The following COL5A2 variants were observed in gnomAD, a reference collection of about 807,000 sequenced individuals.
The protein encoded by COL5A2 is collagen alpha-2(V) chain.
A neutral mutation model predicts 208.2 loss-of-function variants in COL5A2; 23 were observed. The ratio of observed to expected loss-of-function variants is 0.11; its 90% CI spans 0.08 to 0.16. COL5A2 has a LOEUF of 0.16. Among genes scored for constraint, COL5A2 ranks in the 10% least tolerant of loss-of-function variants. The pLI, the probability that COL5A2 is intolerant of heterozygous loss-of-function variation, is 1.00. For synonymous variants in COL5A2, 625 were observed against 628.5 expected (o/e 0.99, Z 0.08); for missense variants, 1,590 against 1,956.4 (o/e 0.81, Z 3.53).
At chr2:189,349,930 T>C in the COL5A2 span, among the ~76,000 whole-genome samples, 1 of 152,134 alleles carries the variant, frequency 6.6e-6, no homozygotes, top group Non-Finnish European at 1.5e-5. Flanking sequence ...GAAAACCAGA[T>C]GCAAGAATTA....
intron 1 of COL5A2, among the ~76,000 whole-genome samples, chr2:189,172,059 C>T (rs570277328): frequency 9.2e-5 from 14 of 152,288 alleles, no homozygotes; most frequent in South Asian, 6.2e-4. Context: ...TTTTAATCCT[C>T]ACCATGCTAG....
chr2:189,102,327 A>G (rs936187294), intron 3 of COL5A2, among the ~76,000 whole-genome samples: 38 of 152,184 alleles, frequency 2.5e-4, no homozygotes, highest in African/African-American at 8.9e-4. Flanking sequence ...AGGCTTTTTG[A>G]TATATGACTG....
At chr2:189,152,434 G>T (rs1229177144) in intron 1 of COL5A2, among the ~76,000 whole-genome samples, 2 of 152,178 alleles carry the variant, frequency 1.3e-5, no homozygotes, top group African/African-American at 2.4e-5. Context: ...AAGTTGAAAT[G>T]GCCATACACA....
At chr2:189,372,325 T>C in the COL5A2 span, among the ~76,000 whole-genome samples, 1 of 152,232 alleles carries the variant, frequency 6.6e-6, no homozygotes, top group African/African-American at 2.4e-5. Context: ...CGGATGATCA[T>C]TATAGTACAA....
intron 1 of COL5A2, among the ~76,000 whole-genome samples, chr2:189,187,383 A>C (rs1001051439): frequency 3.3e-5 from 5 of 152,192 alleles, no homozygotes; most frequent in Non-Finnish European, 2.9e-5. Flanking sequence ...ATGTCTGCAG[A>C]TATGTGGTGA....
chr2:189,331,489 C>T, the COL5A2 span, among the ~76,000 whole-genome samples: 1 of 152,080 alleles, frequency 6.6e-6, no homozygotes, highest in Admixed American at 6.5e-5. Flanking sequence ...GCAGATATTT[C>T]CCTTGCTGTT....
the COL5A2 span, among the ~76,000 whole-genome samples, chr2:189,242,394 C>T: frequency 6.6e-6 from 1 of 152,178 alleles, no homozygotes; most frequent in Non-Finnish European, 1.5e-5. Context: ...CTGTCTTGCT[C>T]ACAGCTAAAT....
At position 189,049,365 on chromosome 2, in the gene COL5A2, T is replaced by A. The variant is rs1440279548; in HGVS notation, c.3129A>T (p.Val1043=). The stretch of plus-strand genomic sequence containing the variant: ...TACTCACTTCTGGTCCAGGTTCCCC[T>A]ACAGGACCATTGGAGCCTGGGGGCC... The part of the protein sequence containing the change: ...PVGPPGSNGP[V]GEPGPEGPAG... The change falls in exon 44 of 54, where the codon GTA becomes GTT. Residue 1043 remains valine (V), a synonymous_variant. Coordinates refer to ENST00000374866, the MANE Select transcript of COL5A2 (RefSeq NM_000393.5). 8 of 1,611,726 alleles carry A rather than the reference T, an allele frequency of 5.0e-6. No individual in the cohort carries two copies. Among genetic ancestry groups the A allele is most frequent in the Non-Finnish European group, 6.8e-6 (8 of 1,178,312 alleles).
intron 1 of COL5A2, among the ~76,000 whole-genome samples, chr2:189,193,282 T>G (rs1285252423): frequency 6.6e-6 from 1 of 152,118 alleles, no homozygotes; most frequent in Non-Finnish European, 1.5e-5. Flanking sequence ...ATTGATCTAA[T>G]AGGATGAACT....
the COL5A2 span, among the ~76,000 whole-genome samples, chr2:189,304,911 A>G: frequency 6.6e-6 from 1 of 152,244 alleles, no homozygotes; most frequent in East Asian, 1.9e-4. Flanking sequence ...ATCAAATTCT[A>G]TTAATAATGC....
chr2:189,356,379 C>T, the COL5A2 span, among the ~76,000 whole-genome samples: 11 of 152,224 alleles, frequency 7.2e-5, no homozygotes, highest in Admixed American at 3.9e-4. Context: ...ACCAATCAAA[C>T]GTAGATTTGG....
intron 1 of COL5A2, among the ~76,000 whole-genome samples, chr2:189,138,474 A>G (rs1687868132): frequency 6.6e-6 from 1 of 152,138 alleles, no homozygotes; most frequent in Non-Finnish European, 1.5e-5. Context: ...ATATATATAG[A>G]TATTTGTATA....
At chr2:189,091,625 C>T (rs993012979) in intron 7 of COL5A2, among the ~76,000 whole-genome samples, 3 of 151,972 alleles carry the variant, frequency 2.0e-5, no homozygotes, top group African/African-American at 7.3e-5. Flanking sequence ...TTATAACAGA[C>T]TATATTGTGG....
chr2:189,206,309 T>C (rs1689142933), intron 1 of COL5A2, among the ~76,000 whole-genome samples: 1 of 152,176 alleles, frequency 6.6e-6, no homozygotes, highest in Admixed American at 6.5e-5. Context: ...AAGCAGTAGA[T>C]GTACAGCATC....
chr2:189,077,505 A>G (rs538829525), intron 16 of COL5A2, among the ~76,000 whole-genome samples: 1 of 152,330 alleles, frequency 6.6e-6, no homozygotes, highest in Admixed American at 6.5e-5. Context: ...GGGAAGAGCA[A>G]TAGCCAATGC....
At chr2:189,271,399 C>A in the COL5A2 span, among the ~76,000 whole-genome samples, 1 of 152,092 alleles carries the variant, frequency 6.6e-6, no homozygotes, top group African/African-American at 2.4e-5. Context: ...TAAAAACAAG[C>A]AATGGGGAAA....
chr2:189,431,559 C>CA, the COL5A2 span, among the ~76,000 whole-genome samples: 1 of 152,042 alleles, frequency 6.6e-6, no homozygotes, highest in Non-Finnish European at 1.5e-5. Context: ...GCACAAGCTT[C>CA]AATAGCTGAT....
In COL5A2 at chr2:189,091,085, T is replaced by C. The variant is rs569308391; in HGVS notation, c.567+1225A>G. ...TGCCATTAAGAACATTCTTAATTGATTGGTGAAAATATAAGCCTCAAGAGA... is the reference window on the plus strand; with the variant it reads ...TGCCATTAAGAACATTCTTAATTGACTGGTGAAAATATAAGCCTCAAGAGA... On this transcript the variant is annotated intron_variant, in intron 7 of 53. Transcript: ENST00000374866. 7.2e-5 allele frequency among the ~76,000 whole-genome samples: 11 copies of C among 152,282 alleles called. No homozygotes were observed. The East Asian group carries it at 1.5e-3, about 21-fold the overall frequency.
At chr2:189,205,641 A>T (rs1689132746) in intron 1 of COL5A2, among the ~76,000 whole-genome samples, 1 of 152,214 alleles carries the variant, frequency 6.6e-6, no homozygotes, top group Non-Finnish European at 1.5e-5. Context: ...AAATGGTGAA[A>T]TTAATATGAA....
Sources: allele counts gnomAD v4.1 joint callset (sites outside exome capture counted in the v4.1 genomes callset), GRCh38; gene constraint gnomAD v4.1.1; transcripts MANE v1.5; gene names NCBI Gene and HGNC (gene_info 2026-07-23, HGNC 2026-07-21).